Variants in KDM4B observed in about 807,000 individuals in gnomAD.
The protein encoded by KDM4B is lysine-specific demethylase 4B.
Under a neutral mutation model 125.2 loss-of-function variants are expected in KDM4B, and 32 were observed. The observed-to-expected ratio is 0.26, with a 90% confidence interval of 0.19 to 0.34. KDM4B has a LOEUF of 0.34. Ranked by LOEUF, KDM4B falls within the 10% of genes least tolerant of loss-of-function variation. KDM4B has a pLI of 1.00. For missense variants in KDM4B, 1,190 were observed against 1,577.7 expected, an observed-to-expected ratio of 0.75 and a Z score of 4.16; for synonymous variants, 721 against 677.9, an observed-to-expected ratio of 1.06 and a Z score of -0.99.
At position 5,138,013 on chromosome 19, in the gene KDM4B, C is replaced by T. The variant is rs778180357; in HGVS notation, c.2493C>T (p.Asn831=). 41 of 1,612,612 alleles carry T rather than the reference C, an allele frequency of 2.5e-5. No homozygotes were observed. Among genetic ancestry groups the T allele is most frequent in the Non-Finnish European group, 3.0e-5 (35 of 1,179,914 alleles). ...CAGTCCCCGAGGCGCGCTTCCTGAACGTGATTGAGCGCCACCCTGTGGACA... is the reference window on the plus strand; with the variant it reads ...CAGTCCCCGAGGCGCGCTTCCTGAATGTGATTGAGCGCCACCCTGTGGACA... ...AIAVPEARFL[N]VIERHPVDIS... The change falls in exon 18 of 23, where the codon AAC becomes AAT. Residue 831 remains asparagine (N), a synonymous_variant. Transcript: ENST00000159111.
chr19:5,127,689 G>C (rs1014693056), intron 11 of KDM4B, among the ~76,000 whole-genome samples: 2 of 152,176 alleles, frequency 1.3e-5, no homozygotes, highest in African/African-American at 4.8e-5. Flanking sequence ...GTGGGGAAGC[G>C]GGACTTGGGG....
chr19:5,120,942 G>A (rs977574196), intron 11 of KDM4B, among the ~76,000 whole-genome samples: 2 of 152,194 alleles, frequency 1.3e-5, no homozygotes, highest in Non-Finnish European at 2.9e-5. Flanking sequence ...AGCCCAACAT[G>A]ACCTGGTCTG....
intron 6 of KDM4B, among the ~76,000 whole-genome samples, chr19:5,060,592 C>CCCA (rs1415488120): frequency 6.6e-6 from 1 of 152,070 alleles, no homozygotes; most frequent in East Asian, 1.9e-4. Flanking sequence ...GCAAGGGGTC[C>CCCA]CCACTGAGGT....
In KDM4B at chr19:5,151,624, T is replaced by G. The variant is rs978396639; in HGVS notation, c.*113T>G. The G allele has an allele frequency of 4.2e-5, 42 of 993,290 alleles. No individual in the cohort carries two copies. In the African/African-American group the frequency reaches 6.4e-4, roughly 15 times the overall value. 61.5% of individuals were successfully genotyped at this position (993,290 alleles called of 1,614,324 possible). A position where few individuals can be genotyped will look rare whatever the true frequency, so the allele number is the denominator to read the frequency against. ...TGTCCCCGACCCCCGAGAGGCCACCTCCAAGCCGCGGGTGCCCCCTAGGGC... is the reference window on the plus strand; with the variant it reads ...TGTCCCCGACCCCCGAGAGGCCACCGCCAAGCCGCGGGTGCCCCCTAGGGC... On this transcript the variant is annotated 3_prime_UTR_variant, in exon 23 of 23. Coordinates refer to ENST00000159111, the MANE Select transcript of KDM4B (RefSeq NM_015015.3).
intron 2 of KDM4B, among the ~76,000 whole-genome samples, chr19:5,016,887 C>T (rs1456641709): frequency 2.0e-5 from 3 of 152,200 alleles, no homozygotes; most frequent in Admixed American, 1.3e-4. Flanking sequence ...GGTGGCAGCC[C>T]AGGGGGACCA....
intron 14 of KDM4B, 151 bp from the exon 15 acceptor site, chr19:5,135,188 G>A: frequency 1.6e-6 from 1 of 610,010 alleles, no homozygotes; most frequent in Non-Finnish European, 2.9e-6. Context: ...TGAGAAGAGG[G>A]GCCGAGGTGG....
intron 7 of KDM4B, among the ~76,000 whole-genome samples, chr19:5,073,646 C>T (rs1424930057): frequency 1.3e-5 from 2 of 152,250 alleles, no homozygotes; most frequent in Non-Finnish European, 1.5e-5. Context: ...CCCCTGTCCC[C>T]AAGCACTGCC....
At position 5,115,934 on chromosome 19, in the gene KDM4B, G is replaced by C. The variant is rs2039245809; in HGVS notation, c.1116-3719G>C. 6.6e-6 allele frequency among the ~76,000 whole-genome samples: 1 copy of C among 152,130 alleles called. No individual in the cohort carries two copies. Among genetic ancestry groups the C allele is most frequent in the Admixed American group, 6.5e-5 (1 of 15,280 alleles). On this transcript the variant is annotated intron_variant, in intron 10 of 22. Coordinates refer to ENST00000159111, the MANE Select transcript of KDM4B (RefSeq NM_015015.3). This position sits in a 1 kb window ranked among gnomAD's most constrained non-coding sequence, Gnocchi z 4.2. Reference sequence around the variant, plus strand: ...GCCCCTGATAGGAGTTTCAGAAAAAGAAAAGTGTCCCGGGACCCAAAGGCT... The same window carrying C: ...GCCCCTGATAGGAGTTTCAGAAAAACAAAAGTGTCCCGGGACCCAAAGGCT...
At chr19:5,071,258 C>T (rs765107642) in intron 7 of KDM4B, among the ~76,000 whole-genome samples, 199 bp downstream of exon 7, 10 of 152,240 alleles carry the variant, frequency 6.6e-5, no homozygotes, top group Admixed American at 3.9e-4. Flanking sequence ...GCCCTTCTGC[C>T]GCGCAGTTTG....
intron 8 of KDM4B, chr19:5,080,794 C>G (rs992123965): frequency 1.3e-5 from 2 of 152,206 alleles, no homozygotes; most frequent in Non-Finnish European, 2.9e-5. Context: ...GGAAACAGCC[C>G]GCACGTCCAT....
intron 1 of KDM4B, among the ~76,000 whole-genome samples, chr19:5,015,460 C>A (rs778986453): frequency 6.6e-6 from 1 of 152,112 alleles, no homozygotes; most frequent in Non-Finnish European, 1.5e-5. Flanking sequence ...CCATGTTGAC[C>A]AGGCTGGTCT....
chr19:4,988,836 C>G (rs2034935350), intron 1 of KDM4B, among the ~76,000 whole-genome samples: 1 of 152,174 alleles, frequency 6.6e-6, no homozygotes. Context: ...CTCGCAGAGG[C>G]TTGGGTGACC....
intron 9 of KDM4B, among the ~76,000 whole-genome samples, chr19:5,094,120 C>T (rs1180341293): frequency 3.9e-5 from 6 of 152,208 alleles, no homozygotes; most frequent in African/African-American, 1.4e-4. Flanking sequence ...TCTCCTCTGC[C>T]CCATGGTCAC....
chr19:5,151,179 G>C (rs1369673366), intron 22 of KDM4B, among the ~76,000 whole-genome samples, 156 bp from the exon 23 acceptor site: 2 of 152,240 alleles, frequency 1.3e-5, no homozygotes, highest in Non-Finnish European at 2.9e-5. Flanking sequence ...GGCAGGATCA[G>C]GGGTTTACAA....
intron 10 of KDM4B, among the ~76,000 whole-genome samples, chr19:5,116,025 A>G (rs1263187288): frequency 1.3e-5 from 2 of 152,152 alleles, no homozygotes; most frequent in African/African-American, 4.8e-5. Flanking sequence ...CCAAACCACA[A>G]TGCATCGCTG....
intron 10 of KDM4B, 75 bp from the exon 11 acceptor site, chr19:5,119,578 G>T: frequency 2.1e-6 from 3 of 1,406,384 alleles, no homozygotes; most frequent in Non-Finnish European, 9.8e-7. Flanking sequence ...GCTGCGTGCT[G>T]CCGGACAGAG....
intron 18 of KDM4B, among the ~76,000 whole-genome samples, chr19:5,140,095 C>T (rs2039714947): frequency 6.6e-6 from 1 of 152,196 alleles, no homozygotes; most frequent in Non-Finnish European, 1.5e-5. Flanking sequence ...GAGCTGGGCC[C>T]ACTCCCTAAA....
chr19:5,144,709 G>C (rs2039811132), intron 20 of KDM4B, 74 bp from the exon 21 acceptor site: 1 of 1,581,648 alleles, frequency 6.3e-7, no homozygotes. Context: ...CCAGCGCGGA[G>C]AGGGTCTAAA....
At chr19:5,027,645 A>G (rs1012063721) in intron 2 of KDM4B, among the ~76,000 whole-genome samples, 4 of 150,842 alleles carry the variant, frequency 2.7e-5, no homozygotes, top group East Asian at 3.9e-4. Context: ...GGTTCAAGCA[A>G]TTCTCTTGCC....
Sources: gnomAD v4.1 joint callset for allele counts (sites outside exome capture counted in the v4.1 genomes callset) on GRCh38, gnomAD v4.1.1 for gene constraint, Gnocchi (gnomAD v3.1) non-coding constraint, MANE v1.5 for transcripts, NCBI Gene and HGNC (gene_info 2026-07-23, HGNC 2026-07-21) for gene names.